The following SNTG1 variants were observed in gnomAD, a reference collection of about 807,000 sequenced individuals.
The protein encoded by SNTG1 is gamma-1-syntrophin.
SNTG1 carries 39 observed loss-of-function variants against 74.7 expected under a neutral mutation model. That is an observed-to-expected ratio of 0.52 (90% CI 0.40 to 0.68). The LOEUF (loss-of-function observed/expected upper bound fraction) is 0.68, where lower values mean the gene tolerates loss of function less well. SNTG1 is among the 30% of genes least tolerant of loss of function. The pLI, the probability that SNTG1 is intolerant of heterozygous loss-of-function variation, is 0.00. For missense variants in SNTG1, 685 were observed against 609.5 expected (o/e 1.12, Z -1.30); for synonymous variants, 254 against 217.1 (o/e 1.17, Z -1.49).
At chr8:50,282,618 T>C (rs1010349779) in intron 2 of SNTG1, among the ~76,000 whole-genome samples, 1 of 151,028 alleles carries the variant, frequency 6.6e-6, no homozygotes, top group Non-Finnish European at 1.5e-5. Flanking sequence ...AAAAAAAAAT[T>C]AGTCAGGCAT....
At chr8:50,469,757 T>A (rs1198422551) in intron 8 of SNTG1, among the ~76,000 whole-genome samples, 1 of 152,160 alleles carries the variant, frequency 6.6e-6, no homozygotes, top group African/African-American at 2.4e-5. Context: ...GATGGTCAGA[T>A]CTCTTCAGGC....
At chr8:50,390,962 G>T (rs951552393) in intron 2 of SNTG1, among the ~76,000 whole-genome samples, 8 of 150,064 alleles carry the variant, frequency 5.3e-5, no homozygotes, top group Non-Finnish European at 1.1e-4. Flanking sequence ...AGCTTCAGGA[G>T]ATTTTGGGCC....
At chr8:50,465,510 T>TTGACACCTGCACAGTATCATGTA (rs2093602006) in intron 8 of SNTG1, among the ~76,000 whole-genome samples, 7 of 152,288 alleles carry the variant, frequency 4.6e-5, no homozygotes, top group African/African-American at 1.7e-4. Flanking sequence ...TCAATGGGTT[T>TTGACACCTGCACAGTATCATGTA]TGACACCTGC....
intron 15 of SNTG1, among the ~76,000 whole-genome samples, chr8:50,665,178 G>A (rs887609689): frequency 5.3e-5 from 8 of 152,094 alleles, no homozygotes; most frequent in Non-Finnish European, 7.3e-5. Flanking sequence ...ATGCTTGGCA[G>A]GGTTGAATGA....
At chr8:50,617,392 A>T (rs1318019299) in intron 13 of SNTG1, among the ~76,000 whole-genome samples, 1 of 151,910 alleles carries the variant, frequency 6.6e-6, no homozygotes, top group African/African-American at 2.4e-5. Context: ...ACACACACAC[A>T]CACACACACA....
chr8:50,320,743 A>G (rs1044036404), intron 2 of SNTG1, among the ~76,000 whole-genome samples: 5 of 151,918 alleles, frequency 3.3e-5, no homozygotes, highest in Non-Finnish European at 4.4e-5. Context: ...GAAATTTTCC[A>G]ATTTTCTTCT....
intron 8 of SNTG1, among the ~76,000 whole-genome samples, chr8:50,495,990 T>TA (rs932177895): frequency 6.6e-5 from 10 of 152,096 alleles, no homozygotes; most frequent in African/African-American, 2.4e-4. Flanking sequence ...AATGACTGCA[T>TA]AAAAAAAGAT....
At chr8:50,172,863 T>C (rs924711710) in intron 2 of SNTG1, among the ~76,000 whole-genome samples, 1 of 152,212 alleles carries the variant, frequency 6.6e-6, no homozygotes, top group African/African-American at 2.4e-5. Flanking sequence ...ACACAGCATT[T>C]TGATGTGTCT....
intron 1 of SNTG1, among the ~76,000 whole-genome samples, chr8:50,016,059 A>G (rs1430454238): frequency 1.3e-5 from 2 of 151,980 alleles, no homozygotes; most frequent in African/African-American, 4.8e-5. Flanking sequence ...TGGGCATACT[A>G]CTCAGATGTA....
At chr8:50,382,030 C>T (rs529076395) in intron 2 of SNTG1, 10 of 151,350 alleles carry the variant, frequency 6.6e-5, no homozygotes, top group Middle Eastern at 3.4e-3. Context: ...GAGGCTAGGC[C>T]GGCCTCGTCT....
chr8:50,337,434 A>G (rs1239152856), intron 2 of SNTG1, among the ~76,000 whole-genome samples: 1 of 152,230 alleles, frequency 6.6e-6, no homozygotes, highest in East Asian at 1.9e-4. Context: ...CAGGAGACTC[A>G]CCAGGTTATC....
At chr8:49,939,885 T>A (rs1808526497) in intron 1 of SNTG1, among the ~76,000 whole-genome samples, 1 of 152,188 alleles carries the variant, frequency 6.6e-6, no homozygotes, top group Non-Finnish European at 1.5e-5. Flanking sequence ...CGAGAGCATC[T>A]CTTTTCTGCC....
At chr8:50,588,535 A>G (rs2094669487) in intron 12 of SNTG1, among the ~76,000 whole-genome samples, 1 of 152,182 alleles carries the variant, frequency 6.6e-6, no homozygotes, top group Admixed American at 6.5e-5. Flanking sequence ...ATATTACCCT[A>G]ATACACAATT....
Position 50,723,498 on chromosome 8 carries a change from G to A in SNTG1, c.1284+14520G>A, listed in dbSNP as rs139845087. ...CTTCTCTAAAGTTGGGCATTTCATA[G>A]GCTTTTATAAGCTCTCGTTTTAGTA... is the stretch of plus-strand genomic sequence containing the variant. On this transcript the variant is annotated intron_variant, in intron 17 of 18. Coordinates refer to ENST00000642720, the MANE Select transcript of SNTG1 (RefSeq NM_018967.5). Among the ~76,000 whole-genome samples the A allele has an allele frequency of 1.4e-3, 212 of 152,220 alleles. 2 individuals are homozygous for A. Among genetic ancestry groups the A allele is most frequent in the African/African-American group, 3.9e-3 (161 of 41,538 alleles).
intron 1 of SNTG1, among the ~76,000 whole-genome samples, chr8:49,958,488 C>G (rs901714881): frequency 2.0e-5 from 3 of 149,226 alleles, no homozygotes; most frequent in Non-Finnish European, 4.5e-5. Context: ...GTGGTGTGAT[C>G]TCGGCTCACT....
chr8:50,497,343 G>T (rs942101068), intron 8 of SNTG1, among the ~76,000 whole-genome samples: 34 of 151,662 alleles, frequency 2.2e-4, no homozygotes, highest in Non-Finnish European at 4.7e-4. Context: ...ATTCAAAATT[G>T]ATTTTCATAC....
chr8:50,278,095 C>T (rs958293288), intron 2 of SNTG1, among the ~76,000 whole-genome samples: 1 of 152,000 alleles, frequency 6.6e-6, no homozygotes, highest in African/African-American at 2.4e-5. Context: ...ATCACTTGAA[C>T]CCAGGAGGCA....
At chr8:50,703,466 T>C (rs2095433178) in intron 15 of SNTG1, among the ~76,000 whole-genome samples, 1 of 152,128 alleles carries the variant, frequency 6.6e-6, no homozygotes, top group South Asian at 2.1e-4. Context: ...TCATCTCTTA[T>C]GATAATGATG....
chr8:49,994,027 A>G (rs1054425467), intron 1 of SNTG1, among the ~76,000 whole-genome samples: 12 of 152,192 alleles, frequency 7.9e-5, no homozygotes, highest in African/African-American at 2.9e-4. Context: ...CAGGATATCC[A>G]TTATATAGTC....
Sources: allele counts gnomAD v4.1 joint callset (sites outside exome capture counted in the v4.1 genomes callset), GRCh38; gene constraint gnomAD v4.1.1; transcripts MANE v1.5; gene names NCBI Gene and HGNC (gene_info 2026-07-23, HGNC 2026-07-21).